Variants in NEURL2 observed in about 807,000 individuals in gnomAD.
The protein encoded by NEURL2 is neuralized E3 ubiquitin protein ligase 2.
NEURL2 carries 16 observed loss-of-function variants against 15.9 expected under a neutral mutation model. That is an observed-to-expected ratio of 1.01 (90% CI 0.68 to 1.53). The LOEUF is 1.53. Among genes scored for constraint, NEURL2 ranks in the 40% most tolerant of loss-of-function variants. The pLI, the probability that NEURL2 is intolerant of heterozygous loss-of-function variation, is 0.00. For missense variants in NEURL2, 393 were observed against 407.8 expected (o/e 0.96, Z 0.31); for synonymous variants, 188 against 178.3 (o/e 1.05, Z -0.43).
In NEURL2 at chr20:45,890,380, C is replaced by T. The variant is rs1986710551; in HGVS notation, c.612G>A (p.Met204Ile). 1.9e-6 allele frequency: 3 copies of T among 1,612,740 alleles called. No homozygotes were observed. The highest frequency in any genetic ancestry group is 2.7e-5 in the African/African-American group (2 of 74,928). ...FCPRPDGTAD[M>I]HIIINGEDMG... ...TGTCCTCGCCGTTGATGATGATGTG[C>T]ATGTCGGCCGTGCCATCGGGGCGCG... The change falls in exon 1 of 2, where the codon ATG (methionine) becomes ATA (isoleucine). Residue 204 changes from methionine (M) to isoleucine (I), a missense_variant. Coordinates refer to ENST00000372518, the MANE Select transcript of NEURL2 (RefSeq NM_080749.4).
In NEURL2 at chr20:45,890,919, G is replaced by A; in HGVS notation, c.73C>T (p.Arg25Cys). The change falls in exon 1 of 2, where the codon CGC becomes TGC. Residue 25 changes from arginine (R) to cysteine (C), a missense_variant. By Grantham distance (180) the Arg-to-Cys change is radical. Transcript: ENST00000372518. Reference sequence around the variant, plus strand: ...TTGGCACCGTGCACCCGATGGAAGCGGGTGGGAGGGGGCTCCGGGCGCTCG... The same window carrying A: ...TTGGCACCGTGCACCCGATGGAAGCAGGTGGGAGGGGGCTCCGGGCGCTCG... ...GLERPEPPPT[R>C]FHRVHGANIR... 1 of 1,538,724 alleles carries A rather than the reference G, an allele frequency of 6.5e-7. No individual in the cohort carries two copies. Among genetic ancestry groups the A allele is most frequent in the Non-Finnish European group, 8.8e-7 (1 of 1,142,034 alleles).
rs1986580702 is a variant in NEURL2, at chr20:45,888,741, T to C, written c.*17A>G. The C allele has an allele frequency of 3.1e-6, 5 of 1,613,616 alleles. No individual in the cohort carries two copies. Among genetic ancestry groups the C allele is most frequent in the Non-Finnish European group, 4.2e-6 (5 of 1,179,876 alleles). ...GGGGCTCCAGGATGCAGCTGTGCTC[T>C]GGTGCACTGTGGGTCTTCACTCATA... On this transcript the variant is annotated 3_prime_UTR_variant, in exon 2 of 2. Transcript: ENST00000372518.
Position 45,888,724 on chromosome 20 carries a change from A to G in NEURL2, c.*34T>C, listed in dbSNP as rs768860376. 6.2e-7 allele frequency: 1 copy of G among 1,609,826 alleles called. No individual in the cohort carries two copies. The highest frequency in any genetic ancestry group is 8.5e-7 in the Non-Finnish European group (1 of 1,177,326). On this transcript the variant is annotated 3_prime_UTR_variant, in exon 2 of 2. Coordinates refer to ENST00000372518, the MANE Select transcript of NEURL2 (RefSeq NM_080749.4). ...CAGCCAGCCACAGGTCTGGGGCTCCAGGATGCAGCTGTGCTCTGGTGCACT... is the reference window on the plus strand; with the variant it reads ...CAGCCAGCCACAGGTCTGGGGCTCCGGGATGCAGCTGTGCTCTGGTGCACT...
In NEURL2 at chr20:45,888,771, C is replaced by G. The variant is rs1432006369; in HGVS notation, c.845G>C (p.Cys282Ser). ...CACTGTGGGTCTTCACTCATACTTG[C>G]AGAAATCCTTAAGTTCTTTGGGCAG... ...LHLPKELKDF[C>S]KYE Residue 282 changes from cysteine to serine, a missense_variant, in exon 2 of 2, where the codon TGC becomes TCC. Cys to Ser is a moderately radical substitution (Grantham distance 112). Transcript: ENST00000372518. The G allele has an allele frequency of 1.9e-6, 3 of 1,613,988 alleles. No homozygotes were observed. Among genetic ancestry groups the G allele is most frequent in the African/African-American group, 2.7e-5 (2 of 74,926 alleles).
intron 1 of NEURL2, among the ~76,000 whole-genome samples, chr20:45,889,204 T>C (rs1248654387): frequency 6.6e-6 from 1 of 152,130 alleles, no homozygotes; most frequent in East Asian, 1.9e-4. Context: ...TGCATTGAGT[T>C]CATGAAATGT....
chr20:45,891,162 G>A lies in NEURL2; in HGVS notation c.-171C>T. On this transcript the variant is annotated 5_prime_UTR_variant, in exon 1 of 2. It adds an upstream start codon to the 5' untranslated region. Transcript: ENST00000372518. This position sits in a 1 kb window ranked among gnomAD's most constrained non-coding sequence, Gnocchi z 4.6. ...CAGCCATCCCGCCTACAACTTAGCC[G>A]TCCACAACAGGATCATCTGATCGCG... The A allele has an allele frequency of 3.0e-6, 3 of 1,003,498 alleles. No individual in the cohort carries two copies. The highest frequency in any genetic ancestry group is 1.6e-5 in the South Asian group (1 of 64,416). 62.2% of individuals were successfully genotyped at this position (1,003,498 alleles called of 1,614,324 possible). A position where few individuals can be genotyped will look rare whatever the true frequency, so the allele number is the denominator to read the frequency against.
In NEURL2 at chr20:45,890,329, T is replaced by A; in HGVS notation, c.663A>T (p.Pro221=). The A allele has an allele frequency of 6.2e-7, 1 of 1,613,234 alleles. No individual in the cohort carries two copies. Reference sequence around the variant, plus strand: ...CCACCGCGTAGAGGGGCTGCGCAGCTGGCAGTCCCCGGGCGCTCGGGCCCA... The same window carrying A: ...CCACCGCGTAGAGGGGCTGCGCAGCAGGCAGTCCCCGGGCGCTCGGGCCCA... ...EDMGPSARGL[P]AAQPLYAVVD... Residue 221 remains proline (P), a synonymous_variant, in exon 1 of 2, where the codon CCA becomes CCT. Coordinates refer to ENST00000372518, the MANE Select transcript of NEURL2 (RefSeq NM_080749.4).
intron 1 of NEURL2, 92 bp from the exon 2 acceptor site, chr20:45,888,965 C>A: frequency 1.4e-6 from 2 of 1,469,586 alleles, no homozygotes; most frequent in South Asian, 2.4e-5. Flanking sequence ...CCCACTTTGT[C>A]ATTAAATGTG....
chr20:45,890,192 C>T (rs1462435804), intron 1 of NEURL2, 58 bp downstream of exon 1: 2 of 1,601,986 alleles, frequency 1.2e-6, no homozygotes, highest in East Asian at 2.2e-5. Context: ...CTACGGAGCC[C>T]TAGTAGATTC....
In NEURL2 at chr20:45,890,303, A is replaced by T. The variant is rs767364546; in HGVS notation, c.689T>A (p.Val230Glu). The part of the protein sequence containing the change: ...LPAAQPLYAV[V>E]DVFASTKSVR... Reference sequence around the variant, plus strand: ...GCTCTTTGTGGAAGCAAACACGTCCACCACCGCGTAGAGGGGCTGCGCAGC... The same window carrying T: ...GCTCTTTGTGGAAGCAAACACGTCCTCCACCGCGTAGAGGGGCTGCGCAGC... Residue 230 changes from valine to glutamate, a missense_variant, in exon 1 of 2, where the codon GTG becomes GAG. Coordinates refer to ENST00000372518, the MANE Select transcript of NEURL2 (RefSeq NM_080749.4). 30 of 1,613,374 alleles carry T rather than the reference A, an allele frequency of 1.9e-5. No homozygotes were observed. In the African/African-American group the frequency reaches 3.5e-4, roughly 19 times the overall value.
chr20:45,888,819 C>A lies in NEURL2; in HGVS notation c.797G>T (p.Arg266Leu). Residue 266 changes from arginine to leucine, a missense_variant, in exon 2 of 2, where the codon CGG becomes CTG. Arg to Leu is a moderately radical substitution (Grantham distance 102). Coordinates refer to ENST00000372518, the MANE Select transcript of NEURL2 (RefSeq NM_080749.4). ...RLVIQRSMVHRLAIDGLHLPK... is the reference protein window; with the variant it reads ...RLVIQRSMVHLLAIDGLHLPK... Reference sequence around the variant, plus strand: ...CAGGTGGAGCCCATCAATGGCCAGCCGGTGCACCATGCTCCTTTGTATCAC... The same window carrying A: ...CAGGTGGAGCCCATCAATGGCCAGCAGGTGCACCATGCTCCTTTGTATCAC... 6.2e-7 allele frequency: 1 copy of A among 1,614,106 alleles called. No homozygotes were observed. Among genetic ancestry groups the A allele is most frequent in the Non-Finnish European group, 8.5e-7 (1 of 1,179,992 alleles).
In NEURL2 at chr20:45,888,871, G is replaced by A. The variant is rs1442221291; in HGVS notation, c.745C>T (p.Pro249Ser). ...VRLVQLEYGLPSLQTLCRLVI... is the reference protein window; with the variant it reads ...VRLVQLEYGLSSLQTLCRLVI... Reference sequence around the variant, plus strand: ...AGGCGGCACAGAGTCTGCAGGGATGGCACTGTGGGAAGAAGACTGTGAAAG... The same window carrying A: ...AGGCGGCACAGAGTCTGCAGGGATGACACTGTGGGAAGAAGACTGTGAAAG... Residue 249 changes from proline (P) to serine (S), a missense_variant and splice_region_variant, in exon 2 of 2, where the codon CCA becomes TCA. Physicochemically the swap from Pro to Ser is moderately conservative, Grantham distance 74 (BLOSUM62 -1). Transcript: ENST00000372518. 2 of 1,614,030 alleles carry A rather than the reference G, an allele frequency of 1.2e-6. No individual in the cohort carries two copies. Among genetic ancestry groups the A allele is most frequent in the Admixed American group, 1.7e-5 (1 of 60,018 alleles).
rs778987917 is a variant in NEURL2 at position 45,890,414 on chromosome 20, A to G, written c.578T>C (p.Leu193Pro). 6.2e-7 allele frequency: 1 copy of G among 1,611,960 alleles called. No individual in the cohort carries two copies. Residue 193 changes from leucine to proline, a missense_variant, in exon 1 of 2, where the codon CTC becomes CCC. Transcript: ENST00000372518. ...PTARRSRLGV[L>P]FCPRPDGTAD... ...CGTGCCATCGGGGCGCGGGCAAAAGAGGACACCCAGGCGGCTACGGCGCGC... is the reference window on the plus strand; with the variant it reads ...CGTGCCATCGGGGCGCGGGCAAAAGGGGACACCCAGGCGGCTACGGCGCGC...
chr20:45,889,456 G>A (rs1226298539), intron 1 of NEURL2, among the ~76,000 whole-genome samples: 2 of 151,732 alleles, frequency 1.3e-5, no homozygotes, highest in East Asian at 1.9e-4. Flanking sequence ...GGGCTCAAGC[G>A]ATCCTCCTGC....
Position 45,888,823 on chromosome 20 carries a change from G to A in NEURL2, c.793C>T (p.His265Tyr). The change falls in exon 2 of 2, where the codon CAC becomes TAC. Residue 265 changes from histidine to tyrosine, a missense_variant. Coordinates refer to ENST00000372518, the MANE Select transcript of NEURL2 (RefSeq NM_080749.4). ...TGGAGCCCATCAATGGCCAGCCGGT[G>A]CACCATGCTCCTTTGTATCACTAGG... The part of the protein sequence containing the change: ...CRLVIQRSMV[H>Y]RLAIDGLHLP... 1.9e-6 allele frequency: 3 copies of A among 1,614,048 alleles called. No homozygotes were observed. The highest frequency in any genetic ancestry group is 2.2e-5 in the East Asian group (1 of 44,888).
chr20:45,889,619 CTCTT>C (rs10639182), intron 1 of NEURL2, among the ~76,000 whole-genome samples: 3 of 150,434 alleles, frequency 2.0e-5, no homozygotes, highest in East Asian at 2.0e-4. Flanking sequence ...CTCTCTCTCT[CTCTT>C]TCTTTTTTTT....
rs1427044963 is a variant in NEURL2, at chr20:45,890,281, C to T, written c.711G>A (p.Lys237=). ...YAVVDVFAST[K]SVRLVQLEYG... ...ACTCGAGCTGGACAAGGCGCACGCTCTTTGTGGAAGCAAACACGTCCACCA... is the reference window on the plus strand; with the variant it reads ...ACTCGAGCTGGACAAGGCGCACGCTTTTTGTGGAAGCAAACACGTCCACCA... Residue 237 remains lysine (K), a synonymous_variant, in exon 1 of 2, where the codon AAG becomes AAA. Transcript: ENST00000372518. 3 of 1,613,754 alleles carry T rather than the reference C, an allele frequency of 1.9e-6. No homozygotes were observed. The highest frequency in any genetic ancestry group is 3.3e-5 in the Admixed American group (2 of 60,030).
chr20:45,890,263 C>T lies in NEURL2; in HGVS notation c.729G>A (p.Gln243=), dbSNP rs775660814. The part of the protein sequence containing the change: ...FASTKSVRLV[Q]LEYGLPSLQT... The stretch of plus-strand genomic sequence containing the variant: ...AGGGATACCTACAGCCATACTCGAG[C>T]TGGACAAGGCGCACGCTCTTTGTGG... The change falls in exon 1 of 2, where the codon CAG becomes CAA. Residue 243 remains glutamine (Q), a synonymous_variant. Coordinates refer to ENST00000372518, the MANE Select transcript of NEURL2 (RefSeq NM_080749.4). 2 of 1,613,834 alleles carry T rather than the reference C, an allele frequency of 1.2e-6. No individual in the cohort carries two copies. The highest frequency in any genetic ancestry group is 1.7e-6 in the Non-Finnish European group (2 of 1,180,028).
Position 45,890,907 on chromosome 20 carries a change from C to T in NEURL2, c.85G>A (p.Val29Met), listed in dbSNP as rs1032913181. Residue 29 changes from valine (V) to methionine (M), a missense_variant, in exon 1 of 2, where the codon GTG becomes ATG. Transcript: ENST00000372518. ...TCCACGCGGATGTTGGCACCGTGCA[C>T]CCGATGGAAGCGGGTGGGAGGGGGC... ...PEPPPTRFHRVHGANIRVDPS... is the reference protein window; with the variant it reads ...PEPPPTRFHRMHGANIRVDPS... The T allele has an allele frequency of 1.3e-6, 2 of 1,555,018 alleles. No individual in the cohort carries two copies. Among genetic ancestry groups the T allele is most frequent in the Non-Finnish European group, 8.7e-7 (1 of 1,149,396 alleles).
Sources: gnomAD v4.1 joint callset for allele counts (sites outside exome capture counted in the v4.1 genomes callset) on GRCh38, gnomAD v4.1.1 for gene constraint, Gnocchi (gnomAD v3.1) non-coding constraint, MANE v1.5 for transcripts, NCBI Gene and HGNC (gene_info 2026-07-23, HGNC 2026-07-21) for gene names.